DNAH17: variants seen among roughly 807,000 people sequenced by gnomAD.
DNAH17 encodes dynein axonemal heavy chain 17.
In DNAH17, 376 loss-of-function variants were observed where a neutral mutation model predicts 485.6. The ratio of observed to expected loss-of-function variants is 0.77; its 90% confidence interval spans 0.71 to 0.84. The LOEUF is 0.84. DNAH17 is among the 40% of genes least tolerant of loss of function. DNAH17 has a pLI of 0.00. For synonymous variants in DNAH17, 3,031 were observed against 2,405.9 expected, an observed-to-expected ratio of 1.26 and a Z score of -7.60; for missense variants, 6,370 against 5,839.3, an observed-to-expected ratio of 1.09 and a Z score of -2.96.
chr17:78,570,999 C>T lies in DNAH17; in HGVS notation c.867G>A (p.Leu289=), dbSNP rs1323848886. Residue 289 remains leucine (L), a synonymous_variant, in exon 6 of 81, where the codon TTG becomes TTA. Coordinates refer to ENST00000389840, the MANE Select transcript of DNAH17 (RefSeq NM_173628.4). ...CCTCCAGCAGGATCCGTAGGGGCTT[C>T]AAATAGAGCACGATGTCGTTGGCTT... ...LKEANDIVLY[L]KPLRILLEEM... 3 of 1,581,596 alleles carry T rather than the reference C, an allele frequency of 1.9e-6. No homozygotes were observed. Among genetic ancestry groups the T allele is most frequent in the Non-Finnish European group, 2.6e-6 (3 of 1,163,804 alleles).
At chr17:78,466,130 C>T (rs889397733) in intron 56 of DNAH17, among the ~76,000 whole-genome samples, 50 of 152,326 alleles carry the variant, frequency 3.3e-4, no homozygotes, top group African/African-American at 1.0e-3. Flanking sequence ...TGTGACCTTA[C>T]CCCCAGCCCT....
Position 78,454,642 on chromosome 17 carries a change from C to G in DNAH17, c.10234G>C (p.Ala3412Pro), listed in dbSNP as rs1426723544. ...GGGAGGCCCTGGTTGTTCCAGGTGGCCACGTCCGCGTCATCTGTCAGCAGG... is the reference window on the plus strand; with the variant it reads ...GGGAGGCCCTGGTTGTTCCAGGTGGGCACGTCCGCGTCATCTGTCAGCAGG... Reference protein sequence around the residue: ...LSLLTDDADVATWNNQGLPSD... With the variant: ...LSLLTDDADVPTWNNQGLPSD... The change falls in exon 64 of 81, where the codon GCC becomes CCC. Residue 3412 changes from alanine (A) to proline (P), a missense_variant. Coordinates refer to ENST00000389840, the MANE Select transcript of DNAH17 (RefSeq NM_173628.4). 6.2e-7 allele frequency: 1 copy of G among 1,613,060 alleles called. No individual in the cohort carries two copies.
intron 75 of DNAH17, 52 bp downstream of exon 75, chr17:78,433,977 G>C: frequency 6.9e-7 from 1 of 1,455,426 alleles, no homozygotes; most frequent in Admixed American, 2.0e-5. Flanking sequence ...GGGAGGGAAG[G>C]AGGGAAAGAG....
rs371312410 is a variant in DNAH17 at position 78,424,094 on chromosome 17, G to C, written c.13201C>G (p.Pro4401Ala). Residue 4401 changes from proline (P) to alanine (A), a missense_variant, in exon 81 of 81, where the codon CCG becomes GCG. Transcript: ENST00000389840. ...IAEARLKELT[P>A]AMPVIFIKAI... ...TTGATGAAGATGACAGGCATGGCCG[G>C]GGTCAGCTCTTTCAGCCGCGCTTCA... is the stretch of plus-strand genomic sequence containing the variant. 6.2e-7 allele frequency: 1 copy of C among 1,613,826 alleles called. No individual in the cohort carries two copies. The highest frequency in any genetic ancestry group is 8.5e-7 in the Non-Finnish European group (1 of 1,179,884).
chr17:78,436,844 CCAAACAAACAAA>C (rs56360405), intron 74 of DNAH17, among the ~76,000 whole-genome samples: 2,269 of 150,338 alleles, frequency 0.015, 24 homozygotes, highest in South Asian at 0.027. Flanking sequence ...GACTCCATCT[CCAAACAAACAAA>C]CAAACAAACA....
rs2086474536 is a variant in DNAH17, at chr17:78,426,601, C to T, written c.12772-1G>A. Reference sequence around the variant, plus strand: ...CGTCGGTCGTGATGGTCAGTTCTCCCTAGGAGACACACAGATGGGTGTGGG... The same window carrying T: ...CGTCGGTCGTGATGGTCAGTTCTCCTTAGGAGACACACAGATGGGTGTGGG... On this transcript the variant is annotated splice_acceptor_variant, in intron 78 of 80. Transcript: ENST00000389840. LOFTEE classifies it high-confidence loss of function. The T allele has an allele frequency of 6.2e-7, 1 of 1,601,352 alleles. No individual in the cohort carries two copies. The highest frequency in any genetic ancestry group is 8.5e-7 in the Non-Finnish European group (1 of 1,172,738).
chr17:78,426,931 G>A lies in DNAH17; in HGVS notation c.12766C>T (p.Leu4256=), dbSNP rs147136333. ...CCGGGCTGACCCATGTTTACCTTCAGCCCCAGGTTCAGCTCCTTGAGCGAA... is the reference window on the plus strand; with the variant it reads ...CCGGGCTGACCCATGTTTACCTTCAACCCCAGGTTCAGCTCCTTGAGCGAA... ...RRSLKELNLG[L]KGELTITTDV... The change falls in exon 78 of 81, where the codon CTG becomes TTG. Residue 4256 remains leucine (L), a synonymous_variant. Transcript: ENST00000389840. 1 of 1,603,338 alleles carries A rather than the reference G, an allele frequency of 6.2e-7. No individual in the cohort carries two copies. The highest frequency in any genetic ancestry group is 8.5e-7 in the Non-Finnish European group (1 of 1,174,914).
At chr17:78,474,549 T>C (rs2088918908) in intron 54 of DNAH17, among the ~76,000 whole-genome samples, 1 of 152,254 alleles carries the variant, frequency 6.6e-6, no homozygotes, top group Non-Finnish European at 1.5e-5. Context: ...TTCTGTAGTC[T>C]GGAGAGAATA....
chr17:78,560,083 C>G (rs891674726), intron 13 of DNAH17, among the ~76,000 whole-genome samples: 3 of 152,160 alleles, frequency 2.0e-5, no homozygotes, highest in African/African-American at 7.2e-5. Context: ...TTGACTCCCT[C>G]GTGAATGCTA....
chr17:78,477,820 A>G (rs1296473271), intron 51 of DNAH17, among the ~76,000 whole-genome samples: 1 of 152,208 alleles, frequency 6.6e-6, no homozygotes, highest in African/African-American at 2.4e-5. Context: ...GCCAAACCCA[A>G]TCTCTGACTC....
chr17:78,547,008 C>G (rs1568235069), intron 16 of DNAH17, among the ~76,000 whole-genome samples: 2 of 152,116 alleles, frequency 1.3e-5, no homozygotes, highest in Non-Finnish European at 2.9e-5. Flanking sequence ...TCCTAACTAC[C>G]AATTATCAAT....
intron 57 of DNAH17, among the ~76,000 whole-genome samples, chr17:78,462,258 G>A (rs1368959970): frequency 7.3e-6 from 1 of 137,350 alleles, no homozygotes; most frequent in South Asian, 2.8e-4. Flanking sequence ...TTTGGTAGGG[G>A]GGTGGGGGGG....
rs778202121 is a variant in DNAH17, at chr17:78,425,418, T to C, written c.13069A>G (p.Thr4357Ala). 2 of 1,613,882 alleles carry C rather than the reference T, an allele frequency of 1.2e-6. No homozygotes were observed. Among genetic ancestry groups the C allele is most frequent in the East Asian group, 2.2e-5 (1 of 44,900 alleles). Reference sequence around the variant, plus strand: ...GTCATGTCCTCTCGGTTTTTCTTGGTCACCTCGACAGACAGACACATCTTG... The same window carrying C: ...GTCATGTCCTCTCGGTTTTTCTTGGCCACCTCGACAGACAGACACATCTTG... ...LDKMCLSVEV[T>A]KKNREDMTAP... Residue 4357 changes from threonine to alanine, a missense_variant, in exon 80 of 81, where the codon ACC (threonine) becomes GCC (alanine). Thr to Ala is a moderately conservative substitution (Grantham distance 58). Coordinates refer to ENST00000389840, the MANE Select transcript of DNAH17 (RefSeq NM_173628.4).
chr17:78,515,864 C>T (rs1168815312), intron 25 of DNAH17, among the ~76,000 whole-genome samples: 1 of 152,210 alleles, frequency 6.6e-6, no homozygotes. Context: ...TGTTACCGCA[C>T]AGTAACGCAG....
At position 78,531,292 on chromosome 17, in the gene DNAH17, G is replaced by A. The variant is rs150597784; in HGVS notation, c.3115-780C>T. On this transcript the variant is annotated intron_variant, in intron 20 of 80. Transcript: ENST00000389840. ...GAGTTGATCCTTTTGTCATTACATA[G>A]TGACCTTCTTGGTCTCGTTTTACTG... Among the ~76,000 whole-genome samples, 10 of 150,828 alleles carry A rather than the reference G, an allele frequency of 6.6e-5. No homozygotes were observed. The East Asian group carries it at 1.9e-3, about 29-fold the overall frequency.
chr17:78,514,950 A>C lies in DNAH17; in HGVS notation c.3937T>G (p.Cys1313Gly), dbSNP rs1390185124. The change falls in exon 26 of 81, where the codon TGT (cysteine) becomes GGT (glycine). Residue 1313 changes from cysteine to glycine, a missense_variant. Transcript: ENST00000389840. ...CTCATGTCCTTGGCAAACTTCTTAC[A>C]ATCTATGTCCATCTGCTCAACGTTG... ...DINVEQMDID[C>G]KKFAKDMRSL... 1.9e-6 allele frequency: 3 copies of C among 1,613,902 alleles called. No homozygotes were observed. Among genetic ancestry groups the C allele is most frequent in the Non-Finnish European group, 2.5e-6 (3 of 1,179,858 alleles).
At chr17:78,489,268 C>T (rs2089744042) in intron 44 of DNAH17, 1 of 152,330 alleles carries the variant, frequency 6.6e-6, no homozygotes, top group Non-Finnish European at 1.5e-5. Context: ...TTAATTTTCT[C>T]TGCCTATAGA....
intron 9 of DNAH17, among the ~76,000 whole-genome samples, chr17:78,567,706 TCTCCCTGAAGCG>T (rs994465861): frequency 1.9e-4 from 29 of 152,200 alleles, no homozygotes; most frequent in African/African-American, 6.5e-4. Flanking sequence ...TCATGCCCCC[TCTCCCTGAAGCG>T]CTCCCTGACT....
rs1053496667 is a variant in DNAH17, at chr17:78,561,850, A to G, written c.1700T>C (p.Met567Thr). The G allele has an allele frequency of 1.2e-6, 2 of 1,613,838 alleles. No homozygotes were observed. Among genetic ancestry groups the G allele is most frequent in the Admixed American group, 1.7e-5 (1 of 60,008 alleles). The change falls in exon 12 of 81, where the codon ATG (methionine) becomes ACG (threonine). Residue 567 changes from methionine to threonine, a missense_variant. By Grantham distance (81) the Met-to-Thr change is moderately conservative. Transcript: ENST00000389840. The stretch of plus-strand genomic sequence containing the variant: ...GATGTTCCCCTCCTCGGAGGCCGCC[A>G]TCTGGGCATCGTACAAGATCTTAGC... ...DNAKILYDAQ[M>T]AASEEGNIPL...
Sources: allele counts gnomAD v4.1 joint callset (sites outside exome capture counted in the v4.1 genomes callset), GRCh38; gene constraint gnomAD v4.1.1; transcripts MANE v1.5; gene names NCBI Gene and HGNC (gene_info 2026-07-23, HGNC 2026-07-21).